The following UCP1 variants were observed in gnomAD, a reference collection of about 807,000 sequenced individuals.
UCP1 encodes the protein mitochondrial brown fat uncoupling protein 1.
In UCP1, 24 loss-of-function variants were observed where a neutral mutation model predicts 26.2. The ratio of observed to expected loss-of-function variants is 0.92; its 90% confidence interval spans 0.66 to 1.29. The LOEUF is 1.29. Among genes scored for constraint, UCP1 ranks in the 50% most tolerant of loss-of-function variants. The probability of loss-of-function intolerance (pLI) is 0.00; values close to 1 mark genes in which losing one functional copy is unlikely to be tolerated. For missense variants in UCP1, 402 were observed against 388.7 expected, an observed-to-expected ratio of 1.03 and a Z score of -0.29; for synonymous variants, 164 against 156.8, an observed-to-expected ratio of 1.05 and a Z score of -0.34.
intron 2 of UCP1, among the ~76,000 whole-genome samples, chr4:140,567,216 C>T (rs1165326704): frequency 1.3e-5 from 2 of 152,220 alleles, no homozygotes; most frequent in Non-Finnish European, 2.9e-5. Context: ...TCCACTTTTT[C>T]TGCTCTGGTC....
intron 2 of UCP1, 91 bp from the exon 3 acceptor site, chr4:140,563,609 G>GTT: frequency 1.7e-6 from 2 of 1,188,142 alleles, no homozygotes; most frequent in Non-Finnish European, 1.2e-6. Flanking sequence ...TCATATTTTT[G>GTT]TATTTTTTTT....
Position 140,568,623 on chromosome 4 carries a change from G to T in UCP1, c.107C>A (p.Thr36Lys), listed in dbSNP as rs756816288. Residue 36 changes from threonine (T) to lysine (K), a missense_variant, in exon 1 of 6, where the codon ACG becomes AAG. Transcript: ENST00000262999. ...LADVITFPLD[T>K]AKVRLQVQGE... ...AGCTACCTGGAGCCGGACTTTGGCC[G>T]TGTCCAGCGGGAAGGTGATCACGTC... 25 of 1,613,270 alleles carry T rather than the reference G, an allele frequency of 1.5e-5. No individual in the cohort carries two copies. The East Asian group carries it at 5.6e-4, about 36-fold the overall frequency.
intron 3 of UCP1, 35 bp from the exon 4 acceptor site, chr4:140,563,246 C>T (rs367909350): frequency 1.2e-6 from 2 of 1,610,954 alleles, no homozygotes; most frequent in East Asian, 2.2e-5. Context: ...TTTATTAACT[C>T]TACTTTACAA....
chr4:140,562,512 G>A lies in UCP1; in HGVS notation c.629-139C>T, dbSNP rs1196111165. ...TAAATAAATAAAATAAAATAAGAAA[G>A]GTATTGCACTAGAAAAAGAAGGTAA... On this transcript the variant is annotated intron_variant, in intron 4 of 5. Transcript: ENST00000262999. 3 of 908,930 alleles carry A rather than the reference G, an allele frequency of 3.3e-6. No individual in the cohort carries two copies. In the African/African-American group the frequency reaches 5.1e-5, roughly 15 times the overall value. The allele number at this position is 908,930 out of a possible 1,614,324, so 56.3% of individuals were successfully genotyped here.
At chr4:140,562,099 G>T (rs1393032147) in intron 5 of UCP1, 94 bp downstream of exon 5, 4 of 1,412,674 alleles carry the variant, frequency 2.8e-6, no homozygotes, top group Non-Finnish European at 4.0e-6. Flanking sequence ...ATATACTAAG[G>T]CTTGTAAGCT....
Position 140,568,949 on chromosome 4 carries a change from A to C in UCP1, c.-220T>G, listed in dbSNP as rs1333629945. 1.5e-6 allele frequency: 1 copy of C among 652,368 alleles called. No individual in the cohort carries two copies. The highest frequency in any genetic ancestry group is 2.6e-6 in the Non-Finnish European group (1 of 386,280). 40.4% of individuals were successfully genotyped at this position (652,368 alleles called of 1,614,324 possible). A position where few individuals can be genotyped will look rare whatever the true frequency, so the allele number is the denominator to read the frequency against. On this transcript the variant is annotated 5_prime_UTR_variant, in exon 1 of 6. Transcript: ENST00000262999. ...GTCCCCTCCTACCCACCCTCGCGCC[A>C]GCAGGACCCTCTGCGTTCCGGTCTT...
chr4:140,563,794 G>A (rs970960061), intron 2 of UCP1, among the ~76,000 whole-genome samples: 1 of 152,044 alleles, frequency 6.6e-6, no homozygotes, highest in Non-Finnish European at 1.5e-5. Flanking sequence ...TTTTAGTAGA[G>A]ACAGGGTTTC....
rs1175071517 is a variant in UCP1 at position 140,568,863 on chromosome 4, CAGCGGCGGTGCAGA to C, written c.-148_-135del. ...TCTGTTTTTTGAACCGACCGCCGGG[CAGCGGCGGTGCAGA>C]GGCGGCGGCTGCAGACGGAGCGCGG... On this transcript the variant is annotated 5_prime_UTR_variant, in exon 1 of 6. Coordinates refer to ENST00000262999, the MANE Select transcript of UCP1 (RefSeq NM_021833.5). The C allele has an allele frequency of 2.8e-6, 4 of 1,409,890 alleles. No individual in the cohort carries two copies. The highest frequency in any genetic ancestry group is 3.8e-6 in the Non-Finnish European group (4 of 1,042,996). The allele number at this position is 1,409,890 out of a possible 1,614,324, so 87.3% of individuals were successfully genotyped here.
intron 1 of UCP1, 120 bp from the exon 2 acceptor site, chr4:140,568,097 C>A: frequency 1.0e-6 from 1 of 962,208 alleles, no homozygotes; most frequent in Non-Finnish European, 1.6e-6. Flanking sequence ...CTTCCATCCA[C>A]CTCCCTCTAC....
intron 2 of UCP1, among the ~76,000 whole-genome samples, chr4:140,564,600 C>T (rs1735757126): frequency 6.6e-6 from 1 of 152,068 alleles, no homozygotes; most frequent in African/African-American, 2.4e-5. Context: ...AAAGAAAATC[C>T]ACAAAACTGG....
chr4:140,566,955 C>T (rs1387032251), intron 2 of UCP1, among the ~76,000 whole-genome samples: 1 of 152,134 alleles, frequency 6.6e-6, no homozygotes, highest in Non-Finnish European at 1.5e-5. Flanking sequence ...CTGGCTCTGC[C>T]CCCTCCCAGC....
chr4:140,568,029 TAAGCC>T, intron 1 of UCP1, 52 bp from the exon 2 acceptor site: 1 of 1,588,612 alleles, frequency 6.3e-7, no homozygotes, highest in Non-Finnish European at 8.6e-7. Context: ...AGTTCACTCT[TAAGCC>T]AAGATTTCCC....
At position 140,568,668 on chromosome 4, in the gene UCP1, C is replaced by T. The variant is rs1385126271; in HGVS notation, c.62G>A (p.Gly21Glu). 6.2e-7 allele frequency: 1 copy of T among 1,610,602 alleles called. No homozygotes were observed. The change falls in exon 1 of 6, where the codon GGA (glycine) becomes GAA (glutamate). Residue 21 changes from glycine to glutamate, a missense_variant. Physicochemically the swap from Gly to Glu is moderately conservative, Grantham distance 98. Transcript: ENST00000262999. ...PTLGVQLFSA[G>E]IAACLADVIT... ...CACGTCCGCCAAGCACGCCGCTATTCCAGCTGAGAAGAGCTGGACCCCCAG... is the reference window on the plus strand; with the variant it reads ...CACGTCCGCCAAGCACGCCGCTATTTCAGCTGAGAAGAGCTGGACCCCCAG...
chr4:140,562,264 T>C lies in UCP1; in HGVS notation c.738A>G (p.Gly246=). 2 of 1,614,128 alleles carry C rather than the reference T, an allele frequency of 1.2e-6. No individual in the cohort carries two copies. The highest frequency in any genetic ancestry group is 1.7e-6 in the Non-Finnish European group (2 of 1,180,004). ...VKTRFINSPP[G]QYKSVPNCAM... is the part of the protein sequence containing the mutation. ...CACAGTTGGGCACACTTTTGTACTG[T>C]CCTGGTGGAGAATTAATAAATCTGG... The change falls in exon 5 of 6, where the codon GGA becomes GGG. Residue 246 remains glycine, a synonymous_variant. Coordinates refer to ENST00000262999, the MANE Select transcript of UCP1 (RefSeq NM_021833.5).
intron 4 of UCP1, among the ~76,000 whole-genome samples, chr4:140,562,577 G>T (rs1331477080): frequency 1.3e-5 from 2 of 152,164 alleles, no homozygotes; most frequent in Non-Finnish European, 2.9e-5. Flanking sequence ...CTTTAGGAAA[G>T]TAAACTGTTA....
chr4:140,562,985 A>T, intron 4 of UCP1, 125 bp downstream of exon 4: 1 of 832,562 alleles, frequency 1.2e-6, no homozygotes, highest in East Asian at 2.6e-5. Context: ...TATGGTTCAA[A>T]ATTACTTAAT....
intron 5 of UCP1, among the ~76,000 whole-genome samples, chr4:140,560,898 C>T (rs915708564): frequency 2.0e-5 from 3 of 152,106 alleles, no homozygotes; most frequent in African/African-American, 7.2e-5. Context: ...TTTCCTACCT[C>T]CAGCCCCTGG....
In UCP1 at chr4:140,568,736, T is replaced by C. The variant is rs780437371; in HGVS notation, c.-7A>G. ...AGGCTGTCAGGCCCCCCATCTTCAC[T>C]CAGAGACTGGAGATGCAGAGGAAAA... On this transcript the variant is annotated 5_prime_UTR_variant, in exon 1 of 6. Coordinates refer to ENST00000262999, the MANE Select transcript of UCP1 (RefSeq NM_021833.5). 3 of 1,583,132 alleles carry C rather than the reference T, an allele frequency of 1.9e-6. No individual in the cohort carries two copies. In the African/African-American group the frequency reaches 4.0e-5, roughly 21 times the overall value.
rs760215900 is a variant in UCP1 at position 140,563,436 on chromosome 4, G to A, written c.408C>T (p.Val136=). Residue 136 remains valine, a synonymous_variant, in exon 3 of 6, where the codon GTC becomes GTT. Transcript: ENST00000262999. ...VAVFIGQPTE[V]VKVRLQAQSH... Reference sequence around the variant, plus strand: ...TCTGTGCTTGAAGTCTGACTTTCACGACCTCTGTGGGTTGCCCAATGAATA... The same window carrying A: ...TCTGTGCTTGAAGTCTGACTTTCACAACCTCTGTGGGTTGCCCAATGAATA... 2.2e-5 allele frequency: 35 copies of A among 1,613,834 alleles called. No homozygotes were observed. The highest frequency in any genetic ancestry group is 1.6e-4 in the African/African-American group (12 of 74,832).
Sources: gnomAD v4.1 joint callset for allele counts (sites outside exome capture counted in the v4.1 genomes callset) on GRCh38, gnomAD v4.1.1 for gene constraint, MANE v1.5 for transcripts, NCBI Gene and HGNC (gene_info 2026-07-23, HGNC 2026-07-21) for gene names.